WDFY3: variants seen among roughly 807,000 people sequenced by gnomAD.
The protein encoded by WDFY3 is WD repeat and FYVE domain containing 3, also known as WD repeat and FYVE domain-containing protein 3.
In WDFY3, 66 loss-of-function variants were observed where a neutral mutation model predicts 409.6. The observed-to-expected ratio is 0.16, with a 90% CI of 0.13 to 0.20. The LOEUF (loss-of-function observed/expected upper bound fraction) is 0.20. Among genes scored for constraint, WDFY3 ranks in the 10% least tolerant of loss-of-function variants. WDFY3 has a pLI of 1.00. For synonymous variants in WDFY3, 1,521 were observed against 1,537.1 expected, an observed-to-expected ratio of 0.99 and a Z score of 0.25; for missense variants, 3,031 against 4,298.1, an observed-to-expected ratio of 0.71 and a Z score of 8.24.
intron 3 of WDFY3, among the ~76,000 whole-genome samples, chr4:84,874,935 C>T (rs1300523526): frequency 1.3e-5 from 2 of 152,132 alleles, no homozygotes; most frequent in Non-Finnish European, 2.9e-5. Context: ...CAAACCTGTA[C>T]AGCATGTTGC....
At chr4:84,803,652 G>C (rs951289195) in intron 15 of WDFY3, among the ~76,000 whole-genome samples, 185 bp from the exon 16 acceptor site, 2 of 152,070 alleles carry the variant, frequency 1.3e-5, no homozygotes, top group Non-Finnish European at 2.9e-5. Context: ...GTGTGGGTGG[G>C]TGTGTGCAGA....
At chr4:84,899,573 G>A (rs538869575) in intron 2 of WDFY3, among the ~76,000 whole-genome samples, 16 of 152,200 alleles carry the variant, frequency 1.1e-4, no homozygotes, top group African/African-American at 3.4e-4. Flanking sequence ...TAGCCCACAC[G>A]TTTTTGTAAA....
At chr4:84,924,659 C>T (rs552396182) in intron 2 of WDFY3, among the ~76,000 whole-genome samples, 9 of 152,340 alleles carry the variant, frequency 5.9e-5, no homozygotes, top group African/African-American at 2.2e-4. Context: ...CTGCCTTATA[C>T]TCAATCCTCT....
intron 44 of WDFY3, among the ~76,000 whole-genome samples, chr4:84,728,257 G>A (rs973527090): frequency 3.9e-5 from 6 of 152,100 alleles, no homozygotes; most frequent in African/African-American, 9.6e-5. Context: ...GACCAGGAGC[G>A]GTGGCTCACA....
intron 34 of WDFY3, 112 bp downstream of exon 34, chr4:84,755,154 G>A (rs1261702027): frequency 6.9e-6 from 10 of 1,449,144 alleles, no homozygotes. Flanking sequence ...TGAAGTTCCA[G>A]AGATCATGCA....
chr4:84,716,999 AT>A lies in WDFY3; in HGVS notation c.7771del (p.Ile2591PhefsTer68). The A allele has an allele frequency of 6.2e-7, 1 of 1,605,802 alleles. No individual in the cohort carries two copies. Among genetic ancestry groups the A allele is most frequent in the Non-Finnish European group, 8.5e-7 (1 of 1,176,092 alleles). On this transcript the variant is annotated frameshift_variant, in exon 49 of 68. Transcript: ENST00000295888. LOFTEE classifies it high-confidence loss of function. The part of the protein sequence containing the change: ...TLPPNMHEPI[I>X]PRGARQGPSQ... ...AGGGCCTTGCCTGGCTCCTCTAGGA[AT>A]AATAGGCTCATGCATACTACAGGCA...
chr4:84,826,897 G>A lies in WDFY3; in HGVS notation c.1041C>T (p.Val347=), dbSNP rs1754944561. 1 of 1,610,894 alleles carries A rather than the reference G, an allele frequency of 6.2e-7. No homozygotes were observed. The change falls in exon 10 of 68, where the codon GTC becomes GTT. Residue 347 remains valine, a synonymous_variant. Coordinates refer to ENST00000295888, the MANE Select transcript of WDFY3 (RefSeq NM_014991.6). ...TAATACCAGCTGGTTTTAGTTCACT[G>A]ACACCATATGTTGTTAGGGAAGTTA... is the stretch of plus-strand genomic sequence containing the variant. ...NLITSLTTYG[V]SELKPAGITT... is the part of the protein sequence containing the mutation.
chr4:84,780,865 A>G (rs1034592110), intron 25 of WDFY3, among the ~76,000 whole-genome samples: 3 of 152,156 alleles, frequency 2.0e-5, no homozygotes, highest in African/African-American at 7.2e-5. Context: ...TAGAGGAGTG[A>G]GCAGAGAAGA....
intron 3 of WDFY3, among the ~76,000 whole-genome samples, chr4:84,890,788 A>T (rs1286684318): frequency 6.6e-6 from 1 of 152,214 alleles, no homozygotes; most frequent in African/African-American, 2.4e-5. Flanking sequence ...GTGTTCAAAT[A>T]AATACTGACA....
Position 84,801,670 on chromosome 4 carries a change from A to C in WDFY3, c.2802T>G (p.Ala934=), listed in dbSNP as rs1293486108. The C allele has an allele frequency of 1.9e-6, 3 of 1,610,950 alleles. No homozygotes were observed. The highest frequency in any genetic ancestry group is 2.5e-6 in the Non-Finnish European group (3 of 1,178,894). ...CTTACCTCAACACCATGGGTTCCAGAGCCTGAGAGGCTAATCGTTCAAACA... is the reference window on the plus strand; with the variant it reads ...CTTACCTCAACACCATGGGTTCCAGCGCCTGAGAGGCTAATCGTTCAAACA... ...QRMFERLASQ[A]LEPMVLREFL... is the part of the protein sequence containing the mutation. The change falls in exon 17 of 68, where the codon GCT becomes GCG. Residue 934 remains alanine (A), a synonymous_variant. Transcript: ENST00000295888.
intron 54 of WDFY3, among the ~76,000 whole-genome samples, chr4:84,704,711 T>C (rs745515838): frequency 2.0e-5 from 3 of 152,210 alleles, no homozygotes; most frequent in Admixed American, 6.5e-5. Flanking sequence ...CTTACTATAA[T>C]AGTTAACCCT....
In WDFY3 at chr4:84,772,844, G is replaced by A. The variant is rs1043337504; in HGVS notation, c.4840C>T (p.Leu1614Phe). The change falls in exon 30 of 68, where the codon CTT (leucine) becomes TTT (phenylalanine). Residue 1614 changes from leucine (L) to phenylalanine (F), a missense_variant. Around this residue, in one of 16 missense-constraint regions of WDFY3, gnomAD observed 342 missense variants for 463.7 expected, o/e 0.74. Transcript: ENST00000295888. ...TCCAGAATCAACTTACCAGTGTCAA[G>A]CTTCTCTTCATTATTTATTTCCATT... ...VVMEINNEEK[L>F]DTGTEEEFGG... 4 of 1,609,686 alleles carry A rather than the reference G, an allele frequency of 2.5e-6. No homozygotes were observed. Among genetic ancestry groups the A allele is most frequent in the African/African-American group, 1.3e-5 (1 of 74,846 alleles).
At chr4:84,822,662 T>C (rs1407722446) in intron 10 of WDFY3, among the ~76,000 whole-genome samples, 1 of 152,126 alleles carries the variant, frequency 6.6e-6, no homozygotes, top group Admixed American at 6.6e-5. Flanking sequence ...CAGTGGGCTA[T>C]GATCACACCA....
chr4:84,802,442 GT>G (rs1157339439), intron 16 of WDFY3, among the ~76,000 whole-genome samples: 1 of 151,424 alleles, frequency 6.6e-6, no homozygotes, highest in Non-Finnish European at 1.5e-5. Flanking sequence ...TGCATTTTTT[GT>G]ATTTTTAGTA....
At chr4:84,929,728 G>A (rs1418679557) in intron 2 of WDFY3, among the ~76,000 whole-genome samples, 1 of 152,048 alleles carries the variant, frequency 6.6e-6, no homozygotes, top group Non-Finnish European at 1.5e-5. Flanking sequence ...TGGCCAACAT[G>A]GCAAAACCCT....
At position 84,726,332 on chromosome 4, in the gene WDFY3, T is replaced by C. The variant is rs151032960; in HGVS notation, c.7272+529A>G. 7.7e-3 allele frequency among the ~76,000 whole-genome samples: 1,165 copies of C among 152,274 alleles called. 12 individuals are homozygous for C. The highest frequency in any genetic ancestry group is 0.027 in the African/African-American group (1,104 of 41,566). On this transcript the variant is annotated intron_variant, in intron 45 of 67. Coordinates refer to ENST00000295888, the MANE Select transcript of WDFY3 (RefSeq NM_014991.6). ...TTATTAAATTATGTACTTTCATCTT[T>C]CTGGAATACAAAAACGATAATTAAC...
At chr4:84,813,079 T>G (rs996859386) in intron 13 of WDFY3, among the ~76,000 whole-genome samples, 6 of 152,130 alleles carry the variant, frequency 3.9e-5, no homozygotes, top group Non-Finnish European at 8.8e-5. Flanking sequence ...AATTACAAAT[T>G]AAATGACATA....
Position 84,786,091 on chromosome 4 carries a change from A to G in WDFY3, c.3950T>C (p.Val1317Ala). 1 of 1,613,566 alleles carries G rather than the reference A, an allele frequency of 6.2e-7. No homozygotes were observed. Among genetic ancestry groups the G allele is most frequent in the South Asian group, 1.1e-5 (1 of 90,950 alleles). Residue 1317 changes from valine to alanine, a missense_variant, in exon 24 of 68, where the codon GTA (valine) becomes GCA (alanine). Physicochemically the swap from Val to Ala is moderately conservative, Grantham distance 64. Around this residue, in one of 16 missense-constraint regions of WDFY3, gnomAD observed 1,322 missense variants for 1,697.9 expected, o/e 0.78. Transcript: ENST00000295888. ...GCCAAATGACACTTTCTCCTCTGGT[A>G]CTAATGACACAGGGGATGGCACCAC... ...EGVVPSPVSLVPEEKVSFGLY... is the reference protein window; with the variant it reads ...EGVVPSPVSLAPEEKVSFGLY...
Position 84,864,092 on chromosome 4 carries a change from C to T in WDFY3, c.-31-3470G>A, listed in dbSNP as rs191269461. The stretch of plus-strand genomic sequence containing the variant: ...GTAAAGAATGCTATTGGAGGCCAGG[C>T]GCAATGGCTGATGCCTGTAATCCCA... On this transcript the variant is annotated intron_variant, in intron 3 of 67. Coordinates refer to ENST00000295888, the MANE Select transcript of WDFY3 (RefSeq NM_014991.6). 2.3e-3 allele frequency among the ~76,000 whole-genome samples: 347 copies of T among 152,030 alleles called. 2 individuals are homozygous for T. Among genetic ancestry groups the T allele is most frequent in the African/African-American group, 8.0e-3 (330 of 41,464 alleles).
Sources: allele counts gnomAD v4.1 joint callset (sites outside exome capture counted in the v4.1 genomes callset), GRCh38; gene constraint gnomAD v4.1.1; regional missense constraint gnomAD v4.1.1; transcripts MANE v1.5; gene names NCBI Gene and HGNC (gene_info 2026-07-23, HGNC 2026-07-21).